TCERG1L: variants seen among roughly 807,000 people sequenced by gnomAD.
The protein encoded by TCERG1L is transcription elongation regulator 1-like protein.
In TCERG1L, 37 loss-of-function variants were observed where a neutral mutation model predicts 56.3. The observed-to-expected ratio is 0.66, with a 90% CI of 0.51 to 0.87. The LOEUF is 0.87. Among genes scored for constraint, TCERG1L ranks in the 40% least tolerant of loss-of-function variants. The pLI, the probability that TCERG1L is intolerant of heterozygous loss-of-function variation, is 0.00. For missense variants in TCERG1L, 799 were observed against 774.2 expected (o/e 1.03, Z -0.38); for synonymous variants, 324 against 326.3 (o/e 0.99, Z 0.08).
intron 4 of TCERG1L, among the ~76,000 whole-genome samples, chr10:131,210,733 C>T (rs1053847565): frequency 6.6e-5 from 10 of 152,078 alleles, no homozygotes; most frequent in Admixed American, 6.6e-5. Context: ...CTCCTTATTC[C>T]TTCTTTGCTA....
In TCERG1L at chr10:131,098,634, C is replaced by T. The variant is rs78942003; in HGVS notation, c.1486-210G>A. 2.0e-3 allele frequency among the ~76,000 whole-genome samples: 305 copies of T among 152,304 alleles called. 3 individuals carry two copies. The highest frequency in any genetic ancestry group is 0.016 in the East Asian group (82 of 5,174). Reference sequence around the variant, plus strand: ...ATTAAACCTGGGTGCCCACACGGCCCGGCATTTCTCTACATGCAGGCGCCA... The same window carrying T: ...ATTAAACCTGGGTGCCCACACGGCCTGGCATTTCTCTACATGCAGGCGCCA... On this transcript the variant is annotated intron_variant, in intron 10 of 11. Coordinates refer to ENST00000368642, the MANE Select transcript of TCERG1L (RefSeq NM_174937.4).
In TCERG1L at chr10:131,163,126, G is replaced by T; in HGVS notation, c.1030C>A (p.Pro344Thr). 1.3e-6 allele frequency: 2 copies of T among 1,573,888 alleles called. No homozygotes were observed. The highest frequency in any genetic ancestry group is 1.2e-5 in the South Asian group (1 of 84,822). ...PVASTPVPGSPWCVVWTGDDR... is the reference protein window; with the variant it reads ...PVASTPVPGSTWCVVWTGDDR... ...TCAGGCTTTGGGGTGTCTTACCAGG[G>T]GGATCCGGGCACCGGGGTGGAGGCC... The change falls in exon 6 of 12, where the codon CCC becomes ACC. Residue 344 changes from proline (P) to threonine (T), a missense_variant. Pro to Thr is a conservative substitution (Grantham distance 38). Coordinates refer to ENST00000368642, the MANE Select transcript of TCERG1L (RefSeq NM_174937.4).
chr10:131,285,525 AGAGAAAGAAAAGAAAAG>A (rs1846525460), intron 3 of TCERG1L, among the ~76,000 whole-genome samples: 1 of 53,232 alleles, frequency 1.9e-5, no homozygotes, highest in African/African-American at 8.2e-5. Context: ...AGAAAGAAAG[AGAGAAAGAAAAGAAAAG>A]AAAGAAAGGA....
chr10:131,161,852 G>A (rs1294913283), intron 6 of TCERG1L: 3 of 152,370 alleles, frequency 2.0e-5, no homozygotes, highest in East Asian at 1.9e-4. Flanking sequence ...CTGGGAGGGT[G>A]GCGCCGGCGA....
intron 8 of TCERG1L, among the ~76,000 whole-genome samples, chr10:131,131,113 A>G (rs189232675): frequency 3.3e-5 from 5 of 152,250 alleles, no homozygotes; most frequent in Admixed American, 3.3e-4. Context: ...ATATATTTCC[A>G]CTTCAAAACA....
intron 3 of TCERG1L, among the ~76,000 whole-genome samples, chr10:131,285,541 A>AG (rs1564833990): frequency 1.5e-5 from 2 of 129,440 alleles, no homozygotes; most frequent in Non-Finnish European, 3.3e-5. Context: ...AGAAAAGAAA[A>AG]GAAAGAAAGG....
chr10:131,207,542 C>T (rs1374757435), intron 4 of TCERG1L, among the ~76,000 whole-genome samples: 1 of 152,230 alleles, frequency 6.6e-6, no homozygotes, highest in African/African-American at 2.4e-5. Flanking sequence ...ATTTTGTTCT[C>T]CCCTGGCTCC....
chr10:131,284,453 A>G (rs1374189713), intron 3 of TCERG1L, among the ~76,000 whole-genome samples: 1 of 152,110 alleles, frequency 6.6e-6, no homozygotes, highest in African/African-American at 2.4e-5. Flanking sequence ...TATGAAAATA[A>G]AGACATAATT....
intron 4 of TCERG1L, among the ~76,000 whole-genome samples, chr10:131,203,181 G>A (rs573488972): frequency 1.3e-5 from 2 of 152,244 alleles, no homozygotes; most frequent in Admixed American, 6.5e-5. Flanking sequence ...ATGGATATGC[G>A]TATACCTGTC....
Position 131,134,405 on chromosome 10 carries a change from G to A in TCERG1L, c.1233C>T (p.Asp411=). Residue 411 remains aspartate, a synonymous_variant, in exon 8 of 12, where the codon GAC becomes GAT. Coordinates refer to ENST00000368642, the MANE Select transcript of TCERG1L (RefSeq NM_174937.4). ...DGSSSEDNRE[D]QDVKTKRNRT... is the part of the protein sequence containing the mutation. ...GGTTCCTCTTGGTTTTCACATCTTGGTCTTCCCTGTTGTCTTCAGAACTGG... is the reference window on the plus strand; with the variant it reads ...GGTTCCTCTTGGTTTTCACATCTTGATCTTCCCTGTTGTCTTCAGAACTGG... 6.3e-7 allele frequency: 1 copy of A among 1,594,882 alleles called. No homozygotes were observed. The highest frequency in any genetic ancestry group is 1.1e-5 in the South Asian group (1 of 87,260).
chr10:131,180,875 A>G (rs992194004), intron 4 of TCERG1L, among the ~76,000 whole-genome samples: 1 of 152,214 alleles, frequency 6.6e-6, no homozygotes, highest in Admixed American at 6.5e-5. Flanking sequence ...ATTATAATAT[A>G]AAAGGGAGAC....
chr10:131,190,402 G>A lies in TCERG1L; in HGVS notation c.857-23517C>T, dbSNP rs536136492. Among the ~76,000 whole-genome samples, 68 of 152,066 alleles carry A rather than the reference G, an allele frequency of 4.5e-4. 1 individual carries two copies. The highest frequency in any genetic ancestry group is 9.8e-4 in the Admixed American group (15 of 15,262). On this transcript the variant is annotated intron_variant, in intron 4 of 11. Coordinates refer to ENST00000368642, the MANE Select transcript of TCERG1L (RefSeq NM_174937.4). ...GTTCCAAAAGATTAAGAAACAAGGAGGCCTCCCTAAATCATTCTATGAAGC... is the reference window on the plus strand; with the variant it reads ...GTTCCAAAAGATTAAGAAACAAGGAAGCCTCCCTAAATCATTCTATGAAGC...
chr10:131,096,173 G>A (rs551792212), intron 11 of TCERG1L, among the ~76,000 whole-genome samples: 20 of 152,324 alleles, frequency 1.3e-4, no homozygotes, highest in Admixed American at 9.8e-4. Flanking sequence ...GGGAGCACAG[G>A]AAGGTCCAAT....
At chr10:131,249,153 G>C in intron 4 of TCERG1L, among the ~76,000 whole-genome samples, 1 of 152,242 alleles carries the variant, frequency 6.6e-6, no homozygotes, top group Middle Eastern at 3.2e-3. Flanking sequence ...TTCATCAGGT[G>C]GGGGCTGGGA....
intron 4 of TCERG1L, among the ~76,000 whole-genome samples, chr10:131,237,818 G>T (rs751341352): frequency 6.6e-6 from 1 of 152,146 alleles, no homozygotes; most frequent in Non-Finnish European, 1.5e-5. Flanking sequence ...CCTTGAACCC[G>T]GTAACACCTA....
At chr10:131,127,284 C>T (rs1402693879) in intron 8 of TCERG1L, among the ~76,000 whole-genome samples, 3 of 152,196 alleles carry the variant, frequency 2.0e-5, no homozygotes, top group Non-Finnish European at 4.4e-5. Flanking sequence ...CACCAGTGTG[C>T]GTGGGCAACT....
intron 4 of TCERG1L, among the ~76,000 whole-genome samples, chr10:131,186,416 T>C (rs1034285639): frequency 2.0e-5 from 3 of 152,080 alleles, no homozygotes; most frequent in African/African-American, 7.2e-5. Flanking sequence ...ATACAGATTA[T>C]CAATCCAGGA....
chr10:131,282,979 T>C (rs958077945), intron 3 of TCERG1L, among the ~76,000 whole-genome samples: 2 of 152,262 alleles, frequency 1.3e-5, no homozygotes, highest in East Asian at 1.9e-4. Context: ...TGTAATTCAG[T>C]AGGAATCTAT....
intron 4 of TCERG1L, among the ~76,000 whole-genome samples, chr10:131,224,468 G>A (rs1338843551): frequency 6.6e-6 from 1 of 152,184 alleles, no homozygotes; most frequent in Non-Finnish European, 1.5e-5. Context: ...TAGGCTCTAG[G>A]ACCCAGGGAG....
Sources: gnomAD v4.1 joint callset for allele counts (sites outside exome capture counted in the v4.1 genomes callset) on GRCh38, gnomAD v4.1.1 for gene constraint, MANE v1.5 for transcripts, NCBI Gene and HGNC (gene_info 2026-07-23, HGNC 2026-07-21) for gene names.